The following SIRT3 variants were observed in gnomAD, a reference collection of about 807,000 sequenced individuals.
The protein encoded by SIRT3 is NAD-dependent protein deacetylase sirtuin-3, mitochondrial.
Under a neutral mutation model 33.5 loss-of-function variants are expected in SIRT3, and 26 were observed. That is an observed-to-expected ratio of 0.78 (90% confidence interval 0.57 to 1.08). The LOEUF (loss-of-function observed/expected upper bound fraction) is 1.08, where lower values mean the gene tolerates loss of function less well. Among genes scored for constraint, SIRT3 ranks in the 50% least tolerant of loss-of-function variants. SIRT3 has a pLI of 0.00. For missense variants in SIRT3, 585 were observed against 530.1 expected (o/e 1.10, Z -1.02); for synonymous variants, 237 against 222.1 (o/e 1.07, Z -0.60).
At position 223,668 on chromosome 11, in the gene SIRT3, C is replaced by T; in HGVS notation, c.969+410G>A. ...ACGTGGTGCCCCACCCACACCTATA[C>T]CACCTCCAAAGCCCAGCAGCTTCCC... On this transcript the variant is annotated intron_variant, in intron 5 of 6. Transcript: ENST00000382743. The surrounding 1 kb of genome is among the most constrained non-coding windows in gnomAD (Gnocchi z 4.8). The T allele has an allele frequency of 1.8e-6, 1 of 550,188 alleles. No homozygotes were observed. Among genetic ancestry groups the T allele is most frequent in the Non-Finnish European group, 3.4e-6 (1 of 294,590 alleles). 34.1% of individuals were successfully genotyped at this position (550,188 alleles called of 1,614,324 possible).
intron 1 of SIRT3, among the ~76,000 whole-genome samples, chr11:234,752 G>C (rs915536488): frequency 1.3e-5 from 2 of 151,690 alleles, no homozygotes; most frequent in African/African-American, 2.4e-5. Flanking sequence ...GAGTATCACA[G>C]ATATTAGAAT....
chr11:236,333 C>T lies in SIRT3; in HGVS notation c.-5G>A, dbSNP rs865835019. 1.4e-6 allele frequency: 2 copies of T among 1,459,520 alleles called. No individual in the cohort carries two copies. Among genetic ancestry groups the T allele is most frequent in the Middle Eastern group, 4.7e-4 (2 of 4,228 alleles). 90.4% of individuals were successfully genotyped at this position (1,459,520 alleles called of 1,614,324 possible). ...GCGCCAACCCCAGAACGCCATGTTC[C>T]GCGCAGTCCAAGGAGTCCTCCGGAC... is the stretch of plus-strand genomic sequence containing the variant. On this transcript the variant is annotated 5_prime_UTR_variant, in exon 1 of 7. Coordinates refer to ENST00000382743, the MANE Select transcript of SIRT3 (RefSeq NM_012239.6).
At position 233,029 on chromosome 11, in the gene SIRT3, C is replaced by A; in HGVS notation, c.660G>T (p.Gly220=). Residue 220 remains glycine, a synonymous_variant, in exon 3 of 7, where the codon GGG becomes GGT. Transcript: ENST00000382743. The part of the protein sequence containing the change: ...HYFLRLLHDK[G]LLLRLYTQNI... ...TCTGCGTGTAGAGCCGCAGAAGCAGCCCCTTGTCATGAAGCAGCCGGAGAA... is the reference window on the plus strand; with the variant it reads ...TCTGCGTGTAGAGCCGCAGAAGCAGACCCTTGTCATGAAGCAGCCGGAGAA... 6.2e-7 allele frequency: 1 copy of A among 1,614,134 alleles called. No individual in the cohort carries two copies. The highest frequency in any genetic ancestry group is 8.5e-7 in the Non-Finnish European group (1 of 1,180,032).
At chr11:230,341 C>G (rs970717050) in intron 4 of SIRT3, 111 bp downstream of exon 4, 9 of 494,066 alleles carry the variant, frequency 1.8e-5, no homozygotes, top group East Asian at 1.0e-4. Flanking sequence ...TAAAATGTTT[C>G]ACACTATTAT....
intron 4 of SIRT3, chr11:225,743 C>T (rs975556430): frequency 2.0e-5 from 3 of 152,222 alleles, no homozygotes; most frequent in Non-Finnish European, 4.4e-5. Context: ...GAGAGAAGGT[C>T]TAATGTATGT....
At chr11:226,655 G>A (rs1590164037) in intron 4 of SIRT3, among the ~76,000 whole-genome samples, 2 of 151,412 alleles carry the variant, frequency 1.3e-5, no homozygotes, top group African/African-American at 2.4e-5. Flanking sequence ...TGATCCACCC[G>A]CCTCAGCTTC....
intron 5 of SIRT3, among the ~76,000 whole-genome samples, chr11:219,250 C>T (rs1040268415): frequency 2.0e-5 from 3 of 152,234 alleles, no homozygotes; most frequent in African/African-American, 7.2e-5. Flanking sequence ...GCCTCTCTCT[C>T]TCTCTCCCAC....
In SIRT3 at chr11:216,253, C is replaced by G. The variant is rs1855633837; in HGVS notation, c.*445G>C. ...GAAGTGCGGCACCAGGGCCTCAAGA[C>G]TACACTTCGGAACATGAAGAGGGCT... On this transcript the variant is annotated 3_prime_UTR_variant, in exon 7 of 7. Coordinates refer to ENST00000382743, the MANE Select transcript of SIRT3 (RefSeq NM_012239.6). The G allele has an allele frequency of 6.0e-6, 1 of 166,012 alleles. No individual in the cohort carries two copies. Among genetic ancestry groups the G allele is most frequent in the Non-Finnish European group, 1.3e-5 (1 of 76,952 alleles). 10.3% of individuals were successfully genotyped at this position (166,012 alleles called of 1,614,324 possible).
At chr11:229,248 C>T (rs998478604) in intron 4 of SIRT3, among the ~76,000 whole-genome samples, 6 of 151,380 alleles carry the variant, frequency 4.0e-5, no homozygotes, top group Admixed American at 6.6e-5. Flanking sequence ...GTCAAGAGAT[C>T]GAGACATCCT....
chr11:221,200 C>T (rs746966937), intron 5 of SIRT3, among the ~76,000 whole-genome samples: 31 of 152,324 alleles, frequency 2.0e-4, no homozygotes, highest in Non-Finnish European at 4.6e-4. Context: ...TTCACTATAA[C>T]CTCAAATTCC....
intron 4 of SIRT3, among the ~76,000 whole-genome samples, chr11:229,454 A>C (rs12791148): frequency 0.16 from 23,726 of 151,708 alleles, 2,334 homozygotes; most frequent in Middle Eastern, 0.22. Context: ...CAAAACAAAC[A>C]AACAAAAAAG....
intron 4 of SIRT3, 105 bp downstream of exon 4, chr11:230,347 A>G: frequency 1.9e-6 from 1 of 539,138 alleles, no homozygotes; most frequent in Non-Finnish European, 3.1e-6. Context: ...GTTTCACACT[A>G]TTATTGTTCA....
Position 236,075 on chromosome 11 carries a change from G to T in SIRT3, c.254C>A (p.Ala85Glu). The T allele has an allele frequency of 6.5e-7, 1 of 1,547,466 alleles. No homozygotes were observed. Among genetic ancestry groups the T allele is most frequent in the Admixed American group, 2.0e-5 (1 of 49,378 alleles). The stretch of plus-strand genomic sequence containing the variant: ...CGAAAAGAAGAAACTGGGAGCTGCT[G>T]CCCTCGGCTGCCTCCGGAATGCCCT... ...VPRAFRRQPR[A>E]AAPSFFFSSI... Residue 85 changes from alanine to glutamate, a missense_variant, in exon 1 of 7, where the codon GCA becomes GAA. Transcript: ENST00000382743.
rs1742811886 is a variant in SIRT3, at chr11:218,854, A to G, written c.1157T>C (p.Leu386Pro). ...LLGWTEEMRD[L>P]VQRETGKLDG... ...TACCTTCCCAGTTTCCCGCTGCACA[A>G]GGTCCCGCATCTCTTCTGTCCAGCC... Residue 386 changes from leucine to proline, a missense_variant, in exon 6 of 7, where the codon CTT becomes CCT. Leu to Pro is a moderately conservative substitution (Grantham distance 98). Coordinates refer to ENST00000382743, the MANE Select transcript of SIRT3 (RefSeq NM_012239.6). 1 of 1,614,032 alleles carries G rather than the reference A, an allele frequency of 6.2e-7. No homozygotes were observed. Among genetic ancestry groups the G allele is most frequent in the African/African-American group, 1.3e-5 (1 of 74,894 alleles).
chr11:233,264 A>G, intron 2 of SIRT3, 49 bp from the exon 3 acceptor site: 1 of 1,602,788 alleles, frequency 6.2e-7, no homozygotes, highest in Non-Finnish European at 8.5e-7. Flanking sequence ...AGGACAGGGA[A>G]GTGGAATAAA....
chr11:229,284 T>G (rs1177404266), intron 4 of SIRT3, among the ~76,000 whole-genome samples: 2 of 151,764 alleles, frequency 1.3e-5, no homozygotes, highest in Non-Finnish European at 2.9e-5. Context: ...ACTACTCTAC[T>G]AAATACAAAA....
chr11:216,653 G>A lies in SIRT3; in HGVS notation c.*45C>T, dbSNP rs1855679147. On this transcript the variant is annotated 3_prime_UTR_variant, in exon 7 of 7. Transcript: ENST00000382743. ...GAGGTCTTGTCAGAATTGGGATGTG[G>A]ATGTCTCCTATGTTACCATTTATTG... is the stretch of plus-strand genomic sequence containing the variant. 6.2e-7 allele frequency: 1 copy of A among 1,610,888 alleles called. No homozygotes were observed.
At position 233,521 on chromosome 11, in the gene SIRT3, T is replaced by C. The variant is rs773451338; in HGVS notation, c.295A>G (p.Arg99Gly). ...SFFFSSIKGGRRSISFSVGAS... is the reference protein window; with the variant it reads ...SFFFSSIKGGGRSISFSVGAS... Reference sequence around the variant, plus strand: ...CCCACAGAAAAAGATATGGACCTTCTTCCACCTTTAATACTGACAGAAAAA... The same window carrying C: ...CCCACAGAAAAAGATATGGACCTTCCTCCACCTTTAATACTGACAGAAAAA... Residue 99 changes from arginine to glycine, a missense_variant, in exon 2 of 7, where the codon AGA becomes GGA. By Grantham distance (125) the Arg-to-Gly change is moderately radical (BLOSUM62 -2). Coordinates refer to ENST00000382743, the MANE Select transcript of SIRT3 (RefSeq NM_012239.6). 1 of 1,614,044 alleles carries C rather than the reference T, an allele frequency of 6.2e-7. No individual in the cohort carries two copies. The highest frequency in any genetic ancestry group is 8.5e-7 in the Non-Finnish European group (1 of 1,179,998).
chr11:233,624 C>T (rs1434441446), intron 1 of SIRT3, 90 bp from the exon 2 acceptor site: 20 of 1,248,826 alleles, frequency 1.6e-5, no homozygotes, highest in Non-Finnish European at 1.9e-5. Context: ...TCTGCACCAC[C>T]GCCACCCTCG....
Sources: allele counts gnomAD v4.1 joint callset (sites outside exome capture counted in the v4.1 genomes callset), GRCh38; gene constraint gnomAD v4.1.1; non-coding constraint Gnocchi (gnomAD v3.1); transcripts MANE v1.5; gene names NCBI Gene and HGNC (gene_info 2026-07-23, HGNC 2026-07-21).